The following HEPH variants were observed in gnomAD, a reference collection of about 807,000 sequenced individuals.
The protein encoded by HEPH is hephaestin.
A neutral mutation model predicts 80.8 loss-of-function variants in HEPH; 69 were observed. The ratio of observed to expected loss-of-function variants is 0.85; its 90% CI spans 0.70 to 1.04. The LOEUF is 1.04. Ranked by LOEUF, HEPH falls within the 50% of genes least tolerant of loss-of-function variation. The pLI, the probability that HEPH is intolerant of heterozygous loss-of-function variation, is 0.00. For missense variants in HEPH, 1,115 were observed against 891.3 expected (o/e 1.25, Z -3.20); for synonymous variants, 431 against 322.8 (o/e 1.34, Z -3.60).
chrX:66,259,362 G>A (rs747871634), intron 18 of HEPH, among the ~76,000 whole-genome samples: 2 of 111,624 alleles, frequency 1.8e-5, no homozygotes, highest in African/African-American at 3.3e-5. Context: ...CAACTTAGGG[G>A]GTACATGGAA....
chrX:66,253,743 G>A (rs1253993526), intron 15 of HEPH, among the ~76,000 whole-genome samples: 5 of 112,106 alleles, frequency 4.5e-5, no homozygotes, highest in African/African-American at 1.3e-4. Flanking sequence ...TCTATTCAAT[G>A]GACTATTATT....
chrX:66,224,710 A>T (rs1436982321), intron 15 of HEPH, among the ~76,000 whole-genome samples: 1 of 112,061 alleles, frequency 8.9e-6, no homozygotes, highest in Non-Finnish European at 1.9e-5. Flanking sequence ...ACAAAGTGGT[A>T]TTGGAGTGTT....
At chrX:66,201,258 T>G (rs1298386993) in intron 12 of HEPH, among the ~76,000 whole-genome samples, 1 of 110,405 alleles carries the variant, frequency 9.1e-6, no homozygotes, top group Non-Finnish European at 1.9e-5. Context: ...TGTGTGTGTG[T>G]GGTGATGTAA....
At chrX:66,162,703 C>A (rs2086233529), upstream of HEPH, 1 of 1,149,993 alleles carries the variant, frequency 8.7e-7, no homozygotes. Context: ...AGTGTCTGAG[C>A]ACACTTAAGA....
At chrX:66,257,004 T>G (rs2091202660) in intron 17 of HEPH, among the ~76,000 whole-genome samples, 2 of 112,309 alleles carry the variant, frequency 1.8e-5, no homozygotes, top group South Asian at 7.4e-4. Context: ...TAGAATGAAG[T>G]GATCTCTCAC....
At chrX:66,236,402 G>A (rs1450433080) in intron 15 of HEPH, among the ~76,000 whole-genome samples, 1 of 111,802 alleles carries the variant, frequency 8.9e-6, no homozygotes, top group Admixed American at 9.5e-5. Flanking sequence ...TTCTGCTTAT[G>A]AGATGAATCC....
chrX:66,167,283 C>T (rs1215719441), intron 1 of HEPH, among the ~76,000 whole-genome samples: 1 of 111,839 alleles, frequency 8.9e-6, no homozygotes, highest in East Asian at 2.8e-4. Flanking sequence ...AATCTGGAAA[C>T]TGCTAGGGGT....
chrX:66,237,025 C>G (rs1406993398), intron 15 of HEPH, among the ~76,000 whole-genome samples: 1 of 111,134 alleles, frequency 9.0e-6, no homozygotes, highest in Non-Finnish European at 1.9e-5. Context: ...CTTTATTAAT[C>G]TAACTAGAAG....
intron 1 of HEPH, among the ~76,000 whole-genome samples, chrX:66,166,269 C>T (rs2086357088): frequency 9.0e-6 from 1 of 111,636 alleles, no homozygotes; most frequent in Admixed American, 9.5e-5. Context: ...TTTCGGCTCA[C>T]CACAACCTCC....
At chrX:66,259,420 A>T (rs747782819) in intron 18 of HEPH, among the ~76,000 whole-genome samples, 1 of 111,851 alleles carries the variant, frequency 8.9e-6, no homozygotes, top group Non-Finnish European at 1.9e-5. Flanking sequence ...AAGGAGGAAG[A>T]GTTGGGGGCA....
chrX:66,195,202 G>T lies in HEPH; in HGVS notation c.1474G>T (p.Asp492Tyr). Residue 492 changes from aspartate to tyrosine, a missense_variant, in exon 9 of 21, where the codon GAC becomes TAC. Transcript: ENST00000343002. ...MQPHGVFYEK[D>Y]YEGTVYNDGS... is the part of the protein sequence containing the mutation. ...GCCCCATGGGGTCTTTTATGAGAAA[G>T]ACTATGAAGGCACTGTGTACAATGA... 8.3e-7 allele frequency: 1 copy of T among 1,198,285 alleles called. No individual in the cohort carries two copies. The highest frequency in any genetic ancestry group is 1.1e-6 in the Non-Finnish European group (1 of 889,248).
upstream of HEPH, chrX:66,163,005 C>A: frequency 1.8e-6 from 1 of 550,703 alleles, no homozygotes; most frequent in South Asian, 3.3e-5. Flanking sequence ...TTGCTCCCCA[C>A]TCATTCTTTC....
Position 66,198,893 on chromosome X carries a change from G to T in HEPH, c.1729G>T (p.Glu577Ter), listed in dbSNP as rs2088260900. ...ADGKQKGVDK[E>*]FFLLFTVLDE... ...GGGCCTGCAGAAAGGGGTGGATAAA[G>T]AATTCTTTCTTCTCTTCACTGTGTT... The change falls in exon 11 of 21, where the codon GAA (glutamate) becomes TAA (stop). Residue 577 changes from glutamate to a stop codon, truncating the protein, a stop_gained. Transcript: ENST00000343002. LOFTEE classifies it high-confidence loss of function. 8.3e-7 allele frequency: 1 copy of T among 1,200,729 alleles called. No individual in the cohort carries two copies. Among genetic ancestry groups the T allele is most frequent in the Non-Finnish European group, 1.1e-6 (1 of 885,706 alleles).
chrX:66,177,254 G>C lies in HEPH; in HGVS notation c.625+3453G>C, dbSNP rs183592294. On this transcript the variant is annotated intron_variant, in intron 4 of 20. Transcript: ENST00000343002. ...TGGCTTCATAGAATGAATTAAGGAGGGTTTCCTCTTTCTCTCTCTTGTGAA... is the reference window on the plus strand; with the variant it reads ...TGGCTTCATAGAATGAATTAAGGAGCGTTTCCTCTTTCTCTCTCTTGTGAA... Among the ~76,000 whole-genome samples, 67 of 111,753 alleles carry C rather than the reference G, an allele frequency of 6.0e-4. 1 individual carries two copies. The highest frequency in any genetic ancestry group is 5.6e-3 in the East Asian group (20 of 3,557).
intron 15 of HEPH, among the ~76,000 whole-genome samples, chrX:66,247,763 G>C (rs928969399): frequency 1.8e-5 from 2 of 111,325 alleles, no homozygotes; most frequent in African/African-American, 3.3e-5. Context: ...TTGAAAAATG[G>C]GATATTGTAG....
intron 1 of HEPH, among the ~76,000 whole-genome samples, chrX:66,167,017 C>T (rs1195354406): frequency 2.7e-5 from 3 of 112,059 alleles, no homozygotes; most frequent in African/African-American, 9.7e-5. Flanking sequence ...AAAGTACTTA[C>T]AGATCTTAAT....
At chrX:66,259,615 G>T (rs762454367) in intron 18 of HEPH, among the ~76,000 whole-genome samples, 1 of 111,401 alleles carries the variant, frequency 9.0e-6, no homozygotes, top group Non-Finnish European at 1.9e-5. Context: ...AAGTAACCTA[G>T]AAATTCTTTT....
At chrX:66,172,050 G>A (rs983064571) in intron 2 of HEPH, among the ~76,000 whole-genome samples, 1 of 112,286 alleles carries the variant, frequency 8.9e-6, no homozygotes, top group Non-Finnish European at 1.9e-5. Context: ...TTGACGAGGA[G>A]TCGATCACTT....
chrX:66,239,641 A>C (rs2090493756), intron 15 of HEPH, among the ~76,000 whole-genome samples: 1 of 111,921 alleles, frequency 8.9e-6, no homozygotes, highest in South Asian at 3.7e-4. Context: ...TGTGAAACCA[A>C]GCAGGATCTA....
Sources: gnomAD v4.1 joint callset for allele counts (sites outside exome capture counted in the v4.1 genomes callset) on GRCh38, gnomAD v4.1.1 for gene constraint, MANE v1.5 for transcripts, NCBI Gene and HGNC (gene_info 2026-07-23, HGNC 2026-07-21) for gene names.